Variants in GSG1L observed in about 807,000 individuals in gnomAD.
The protein encoded by GSG1L is germ cell-specific gene 1-like protein.
In GSG1L, 24 loss-of-function variants were observed where a neutral mutation model predicts 42.1. The observed-to-expected ratio is 0.57, with a 90% CI of 0.41 to 0.80. The LOEUF is 0.80. Among genes scored for constraint, GSG1L ranks in the 30% least tolerant of loss-of-function variants. The pLI is 0.00. For synonymous variants in GSG1L, 215 were observed against 203.5 expected (o/e 1.06, Z -0.48); for missense variants, 445 against 472.2 (o/e 0.94, Z 0.53).
chr16:28,028,755 T>C (rs1054520764), intron 1 of GSG1L, among the ~76,000 whole-genome samples: 4 of 152,216 alleles, frequency 2.6e-5, no homozygotes, highest in Non-Finnish European at 5.9e-5. Flanking sequence ...AGCCTCAGGC[T>C]CGGGGCAGAT....
chr16:28,015,558 T>C (rs988868108), intron 1 of GSG1L, among the ~76,000 whole-genome samples: 3 of 152,182 alleles, frequency 2.0e-5, no homozygotes, highest in African/African-American at 2.4e-5. Context: ...CCAAACCCCA[T>C]TGTAGAACAT....
At chr16:27,911,270 T>TCG (rs2084385894) in intron 2 of GSG1L, among the ~76,000 whole-genome samples, 1 of 112,694 alleles carries the variant, frequency 8.9e-6, no homozygotes, top group Non-Finnish European at 1.8e-5. Context: ...TCTCTCGCTC[T>TCG]CTCTCTCTCT....
At chr16:27,829,924 G>C (rs2083256932) in intron 4 of GSG1L, among the ~76,000 whole-genome samples, 1 of 152,138 alleles carries the variant, frequency 6.6e-6, no homozygotes, top group South Asian at 2.1e-4. Flanking sequence ...TGAGAGATGA[G>C]GTTATAATGA....
chr16:27,917,105 T>C (rs1373225932), intron 2 of GSG1L, among the ~76,000 whole-genome samples: 9 of 152,180 alleles, frequency 5.9e-5, no homozygotes, highest in Non-Finnish European at 8.8e-5. Context: ...GTGGGAATTC[T>C]GGTCAGAGGA....
intron 1 of GSG1L, among the ~76,000 whole-genome samples, chr16:27,993,419 A>G (rs973986717): frequency 2.0e-5 from 3 of 152,146 alleles, no homozygotes; most frequent in African/African-American, 7.2e-5. Context: ...TACAGGCAAG[A>G]GCCACCGCAC....
At chr16:27,973,896 T>C (rs1006302684) in intron 1 of GSG1L, among the ~76,000 whole-genome samples, 7 of 152,130 alleles carry the variant, frequency 4.6e-5, no homozygotes, top group Non-Finnish European at 7.4e-5. Context: ...TCTGGGCTCC[T>C]TCGTGGGCCC....
In GSG1L at chr16:27,874,441, C is replaced by CTTTTTTTTTTTTTTTTT. The variant is rs71140916; in HGVS notation, c.550+10028_550+10044dup. On this transcript the variant is annotated intron_variant, in intron 3 of 6. Coordinates refer to ENST00000447459, the MANE Select transcript of GSG1L (RefSeq NM_001109763.2). ...TCTGGACACTGAAGCACAGGAGAGC[C>CTTTTTTTTTTTTTTTTT]TTTTTTTTTTTTTTTTTTTTTTTTT... Among the ~76,000 whole-genome samples, 39 of 94,458 alleles carry CTTTTTTTTTTTTTTTTT rather than the reference C, an allele frequency of 4.1e-4. 8 individuals are homozygous for CTTTTTTTTTTTTTTTTT. Among genetic ancestry groups the CTTTTTTTTTTTTTTTTT allele is most frequent in the African/African-American group, 5.9e-4 (16 of 26,980 alleles). The allele number at this position is 94,458 out of a possible 152,430, so 62.0% of individuals were successfully genotyped here.
At position 27,828,918 on chromosome 16, in the gene GSG1L, G is replaced by T; in HGVS notation, c.701C>A (p.Ser234Tyr). Residue 234 changes from serine to tyrosine, a missense_variant, in exon 5 of 7, where the codon TCT becomes TAT. Physicochemically the swap from Ser to Tyr is moderately radical, Grantham distance 144. Around this residue, in one of 3 missense-constraint regions of GSG1L, gnomAD observed 149 missense variants for 223.3 expected, o/e 0.67. Coordinates refer to ENST00000447459, the MANE Select transcript of GSG1L (RefSeq NM_001109763.2). The part of the protein sequence containing the change: ...WGSFTCCMAA[S>Y]VTTLNSYTKT... ...GGTGTAGGAGTTGAGCGTGGTGACA[G>T]AGGCTGCCATGCAGCAGGTAAAGGA... 3 of 1,614,232 alleles carry T rather than the reference G, an allele frequency of 1.9e-6. No individual in the cohort carries two copies. The highest frequency in any genetic ancestry group is 2.5e-6 in the Non-Finnish European group (3 of 1,180,040).
intron 1 of GSG1L, among the ~76,000 whole-genome samples, chr16:27,971,569 A>G (rs982852323): frequency 1.3e-5 from 2 of 152,208 alleles, no homozygotes; most frequent in Admixed American, 1.3e-4. Flanking sequence ...TGCTATATAC[A>G]GACTCATATC....
chr16:27,871,705 A>G (rs1471911496), intron 3 of GSG1L, among the ~76,000 whole-genome samples: 4 of 152,232 alleles, frequency 2.6e-5, no homozygotes, highest in Non-Finnish European at 5.9e-5. Flanking sequence ...TAGCCATAAA[A>G]CTAACAAAGT....
chr16:27,952,231 G>T (rs1443276039), intron 2 of GSG1L, among the ~76,000 whole-genome samples: 3 of 152,142 alleles, frequency 2.0e-5, no homozygotes, highest in Admixed American at 2.0e-4. Flanking sequence ...TTCTTGCTCT[G>T]TACAGCCCCG....
At chr16:27,999,303 TGTG>T (rs2085555161) in intron 1 of GSG1L, among the ~76,000 whole-genome samples, 1 of 151,998 alleles carries the variant, frequency 6.6e-6, no homozygotes, top group East Asian at 1.9e-4. Context: ...ATTAGTTGTG[TGTG>T]GTGGTGCATG....
chr16:28,006,638 C>A (rs2085642585), intron 1 of GSG1L, among the ~76,000 whole-genome samples: 1 of 152,120 alleles, frequency 6.6e-6, no homozygotes, highest in Non-Finnish European at 1.5e-5. Context: ...GTGGGTGAGA[C>A]TGTCCTGGAT....
At chr16:27,840,136 C>T (rs755614439) in intron 4 of GSG1L, among the ~76,000 whole-genome samples, 16 of 151,934 alleles carry the variant, frequency 1.1e-4, no homozygotes, top group Non-Finnish European at 1.8e-4. Flanking sequence ...CTTGAGTGTC[C>T]CTCTCACTTT....
intron 2 of GSG1L, among the ~76,000 whole-genome samples, chr16:27,891,715 C>T (rs954971170): frequency 9.9e-5 from 15 of 151,958 alleles, no homozygotes; most frequent in African/African-American, 3.6e-4. Flanking sequence ...TCAAGCGATC[C>T]TCCTGCCTCA....
At chr16:27,987,556 T>C (rs1346243139) in intron 1 of GSG1L, among the ~76,000 whole-genome samples, 3 of 152,144 alleles carry the variant, frequency 2.0e-5, no homozygotes, top group East Asian at 1.9e-4. Context: ...TTATAGTTGG[T>C]GTGTTAACTC....
At chr16:27,875,157 C>T (rs2083871749) in intron 3 of GSG1L, among the ~76,000 whole-genome samples, 1 of 152,184 alleles carries the variant, frequency 6.6e-6, no homozygotes, top group Non-Finnish European at 1.5e-5. Flanking sequence ...TCCTCAAAGA[C>T]TTGCTTTCTT....
intron 1 of GSG1L, among the ~76,000 whole-genome samples, chr16:28,001,196 C>T (rs1265786469): frequency 6.6e-6 from 1 of 152,148 alleles, no homozygotes; most frequent in East Asian, 1.9e-4. Context: ...GGATCCTGGA[C>T]TTTATCTGTC....
At chr16:27,863,695 T>C (rs2083681816) in intron 3 of GSG1L, among the ~76,000 whole-genome samples, 2 of 152,190 alleles carry the variant, frequency 1.3e-5, no homozygotes, top group East Asian at 3.9e-4. Flanking sequence ...CAGGGAACTA[T>C]CATATTTCGA....
Sources: allele counts gnomAD v4.1 joint callset (sites outside exome capture counted in the v4.1 genomes callset), GRCh38; gene constraint gnomAD v4.1.1; regional missense constraint gnomAD v4.1.1; transcripts MANE v1.5; gene names NCBI Gene and HGNC (gene_info 2026-07-23, HGNC 2026-07-21).